SNRNP200: variants seen among roughly 807,000 people sequenced by gnomAD.
SNRNP200 encodes the protein small nuclear ribonucleoprotein U5 subunit 200.
SNRNP200 carries 66 observed loss-of-function variants against 255.2 expected under a neutral mutation model. The ratio of observed to expected loss-of-function variants is 0.26; its 90% CI spans 0.21 to 0.32. SNRNP200 has a LOEUF of 0.32. Among genes scored for constraint, SNRNP200 ranks in the 10% least tolerant of loss-of-function variants. SNRNP200 has a pLI of 1.00. For missense variants in SNRNP200, 1,585 were observed against 2,749.8 expected (o/e 0.58, Z 9.47); for synonymous variants, 939 against 1,027.8 (o/e 0.91, Z 1.65).
rs1558763301 is a variant in SNRNP200, at chr2:96,278,634, A to T, written c.5401T>A (p.Cys1801Ser). The T allele has an allele frequency of 1.9e-6, 3 of 1,614,214 alleles. No homozygotes were observed. The highest frequency in any genetic ancestry group is 2.5e-6 in the Non-Finnish European group (3 of 1,180,050). The change falls in exon 38 of 45, where the codon TGC (cysteine) becomes AGC (serine). Residue 1801 changes from cysteine to serine, a missense_variant. Physicochemically the swap from Cys to Ser is moderately radical, Grantham distance 112 (BLOSUM62 -1). Around this residue, in one of 9 missense-constraint regions of SNRNP200, gnomAD observed 279 missense variants for 551.2 expected, o/e 0.51. Transcript: ENST00000323853. This position sits in a 1 kb window ranked among gnomAD's most constrained non-coding sequence, Gnocchi z 6.9. ...QTLSDLEQSK[C>S]ISIEDEMDVA... ...TCCATCTCGTCCTCGATGCTGATGC[A>T]CTTGGACTGCTCCAGGTCACTCAGG...
In SNRNP200 at chr2:96,286,986, T is replaced by C. The variant is rs772436502; in HGVS notation, c.3639+20A>G. The C allele has an allele frequency of 3.1e-6, 5 of 1,614,152 alleles. No individual in the cohort carries two copies. The highest frequency in any genetic ancestry group is 4.2e-6 in the Non-Finnish European group (5 of 1,180,026). Reference sequence around the variant, plus strand: ...GACTGAGCACCTCCAATCCAGCACCTCTGCCCAGCAAAGCCTCACCTTTTC... The same window carrying C: ...GACTGAGCACCTCCAATCCAGCACCCCTGCCCAGCAAAGCCTCACCTTTTC... On this transcript the variant is annotated intron_variant, in intron 27 of 44. Coordinates refer to ENST00000323853, the MANE Select transcript of SNRNP200 (RefSeq NM_014014.5). This position sits in a 1 kb window ranked among gnomAD's most constrained non-coding sequence, Gnocchi z 4.8.
chr2:96,296,477 T>A, intron 13 of SNRNP200, 59 bp downstream of exon 13: 2 of 1,574,262 alleles, frequency 1.3e-6, no homozygotes, highest in South Asian at 1.1e-5. Flanking sequence ...TCCAGGCCTG[T>A]CCACAACACT....
Position 96,287,475 on chromosome 2 carries a change from A to C in SNRNP200, c.3448T>G (p.Phe1150Val). The change falls in exon 26 of 45, where the codon TTT becomes GTT. Residue 1150 changes from phenylalanine (F) to valine (V), a missense_variant. Transcript: ENST00000323853. The surrounding 1 kb of genome is among the most constrained non-coding windows in gnomAD (Gnocchi z 5.7). ...TGATTCAGGTCGTACAGACGCTCAA[A>C]GGGGAAATTCTTCTTCTCAATCTTC... ...VKKIEKKNFPFERLYDLNHNE... is the reference protein window; with the variant it reads ...VKKIEKKNFPVERLYDLNHNE... The C allele has an allele frequency of 6.2e-7, 1 of 1,614,036 alleles. No homozygotes were observed. The highest frequency in any genetic ancestry group is 8.5e-7 in the Non-Finnish European group (1 of 1,179,874).
intron 35 of SNRNP200, among the ~76,000 whole-genome samples, chr2:96,280,782 T>TCA (rs1684745869): frequency 1.3e-5 from 2 of 151,636 alleles, no homozygotes; most frequent in African/African-American, 4.8e-5. Context: ...ACTCCTGACC[T>TCA]TGTGATCCAC....
chr2:96,301,483 A>C, intron 4 of SNRNP200, 41 bp downstream of exon 4: 2 of 1,599,012 alleles, frequency 1.3e-6, no homozygotes, highest in East Asian at 2.2e-5. Context: ...GGGGTCAACA[A>C]CAACCAATGA....
In SNRNP200 at chr2:96,283,259, G is replaced by A. The variant is rs779622054; in HGVS notation, c.4857C>T (p.Tyr1619=). 9.9e-6 allele frequency: 16 copies of A among 1,613,998 alleles called. No individual in the cohort carries two copies. Among genetic ancestry groups the A allele is most frequent in the Non-Finnish European group, 2.5e-6 (3 of 1,180,042 alleles). The change falls in exon 34 of 45, where the codon TAC becomes TAT. Residue 1619 remains tyrosine (Y), a synonymous_variant. Transcript: ENST00000323853. This position sits in a 1 kb window ranked among gnomAD's most constrained non-coding sequence, Gnocchi z 4.7. ...LKETLLNGVG[Y]LHEGLSPMER... ...CCATGGGGCTGAGCCCCTCATGCAGGTAGCCCACCCCATTTAGCAGCGTTT... is the reference window on the plus strand; with the variant it reads ...CCATGGGGCTGAGCCCCTCATGCAGATAGCCCACCCCATTTAGCAGCGTTT...
rs1684766846 is a variant in SNRNP200, at chr2:96,281,891, A to G, written c.4947T>C (p.Ser1649=). Residue 1649 remains serine, a synonymous_variant, in exon 35 of 45, where the codon AGT becomes AGC. Coordinates refer to ENST00000323853, the MANE Select transcript of SNRNP200 (RefSeq NM_014014.5). ...GAIQVVVASR[S]LCWGMNVAAH... is the part of the protein sequence containing the mutation. ...CAGCCACGTTCATGCCCCAGCAGAG[A>G]CTCCGAGAAGCCACCACCACCTGGA... 6.2e-7 allele frequency: 1 copy of G among 1,614,026 alleles called. No individual in the cohort carries two copies. Among genetic ancestry groups the G allele is most frequent in the Non-Finnish European group, 8.5e-7 (1 of 1,179,992 alleles).
chr2:96,303,784 G>A (rs2063969470), intron 2 of SNRNP200, among the ~76,000 whole-genome samples: 1 of 151,908 alleles, frequency 6.6e-6, no homozygotes, highest in South Asian at 2.1e-4. Context: ...CAGCTACTCA[G>A]GAGGCTGAGG....
At position 96,296,587 on chromosome 2, in the gene SNRNP200, G is replaced by A. The variant is rs770437983; in HGVS notation, c.1620C>T (p.Tyr540=). The A allele has an allele frequency of 1.2e-6, 2 of 1,614,134 alleles. No homozygotes were observed. Among genetic ancestry groups the A allele is most frequent in the Middle Eastern group, 1.6e-4 (1 of 6,062 alleles). ...GCACCAAGGAGCGCATGGGGGCAAT[G>A]TAGATAATCTTGAAGTCATCCACAT... ...TINVDDFKII[Y]IAPMRSLVQE... is the part of the protein sequence containing the mutation. The change falls in exon 13 of 45, where the codon TAC becomes TAT. Residue 540 remains tyrosine (Y), a synonymous_variant. Transcript: ENST00000323853.
intron 43 of SNRNP200, chr2:96,276,482 G>A (rs1262732349): frequency 4.1e-6 from 1 of 245,138 alleles, no homozygotes; most frequent in Non-Finnish European, 8.3e-6. Context: ...TGTGCAGTGG[G>A]GCAATCTCGG....
chr2:96,277,745 C>A lies in SNRNP200; in HGVS notation c.5755-30G>T. The A allele has an allele frequency of 1.2e-6, 2 of 1,614,072 alleles. No individual in the cohort carries two copies. Among genetic ancestry groups the A allele is most frequent in the South Asian group, 2.2e-5 (2 of 91,074 alleles). ...ACAGGAAAAGGAGTATAAAAGTGGGCGGAGTTGGAGCTGAGATGTTTAGAG... is the reference window on the plus strand; with the variant it reads ...ACAGGAAAAGGAGTATAAAAGTGGGAGGAGTTGGAGCTGAGATGTTTAGAG... On this transcript the variant is annotated intron_variant, in intron 40 of 44. Coordinates refer to ENST00000323853, the MANE Select transcript of SNRNP200 (RefSeq NM_014014.5). The surrounding 1 kb of genome is among the most constrained non-coding windows in gnomAD (Gnocchi z 4.4).
At chr2:96,298,489 G>C in intron 8 of SNRNP200, 69 bp from the exon 9 acceptor site, 1 of 1,610,760 alleles carries the variant, frequency 6.2e-7, no homozygotes, top group Non-Finnish European at 8.5e-7. Context: ...CCTCAGGGTA[G>C]AAAGAAGAAA....
intron 34 of SNRNP200, chr2:96,282,964 A>G (rs2063813675): frequency 1.7e-6 from 1 of 599,530 alleles, no homozygotes; most frequent in Non-Finnish European, 3.0e-6. Flanking sequence ...AGGTTCTGAA[A>G]TAGCACAACC....
In SNRNP200 at chr2:96,293,008, G is replaced by C. The variant is rs771676278; in HGVS notation, c.2124C>G (p.Val708=). The change falls in exon 16 of 45, where the codon GTC becomes GTG. Residue 708 remains valine, a synonymous_variant. Coordinates refer to ENST00000323853, the MANE Select transcript of SNRNP200 (RefSeq NM_014014.5). ...CAGCATGTTCCATGATTTTTTCATAGACGATTTCATTCATGATCTGGAAAC... is the reference window on the plus strand; with the variant it reads ...CAGCATGTTCCATGATTTTTTCATACACGATTTCATTCATGATCTGGAAAC... ...IKRFQIMNEI[V]YEKIMEHAGK... 43 of 1,614,026 alleles carry C rather than the reference G, an allele frequency of 2.7e-5. No individual in the cohort carries two copies. The highest frequency in any genetic ancestry group is 3.5e-5 in the Non-Finnish European group (41 of 1,180,026).
intron 13 of SNRNP200, among the ~76,000 whole-genome samples, chr2:96,296,219 T>C (rs564041378): frequency 6.6e-6 from 1 of 152,306 alleles, no homozygotes; most frequent in South Asian, 2.1e-4. Context: ...ACTAGGTCTA[T>C]TATCATCCAC....
Position 96,290,274 on chromosome 2 carries a change from G to A in SNRNP200, c.2742+52C>T, listed in dbSNP as rs1271937932. 6.3e-7 allele frequency: 1 copy of A among 1,592,662 alleles called. No individual in the cohort carries two copies. Among genetic ancestry groups the A allele is most frequent in the African/African-American group, 1.3e-5 (1 of 74,454 alleles). On this transcript the variant is annotated intron_variant, in intron 20 of 44. Transcript: ENST00000323853. The surrounding 1 kb of genome is among the most constrained non-coding windows in gnomAD (Gnocchi z 4.5). ...CAATAGGGACCGACCCACTCCTGGTGCCTTGGTGTCTGCGGGGAAAGCATG... is the reference window on the plus strand; with the variant it reads ...CAATAGGGACCGACCCACTCCTGGTACCTTGGTGTCTGCGGGGAAAGCATG...
intron 43 of SNRNP200, chr2:96,276,518 T>G (rs1573986967): frequency 3.3e-6 from 1 of 301,512 alleles, no homozygotes; most frequent in Non-Finnish European, 6.6e-6. Flanking sequence ...GCCTCCTGGG[T>G]TCACACCATT....
Position 96,275,278 on chromosome 2 carries a change from C to G in SNRNP200, c.6246G>C (p.Leu2082=). 1.2e-6 allele frequency: 2 copies of G among 1,614,178 alleles called. No individual in the cohort carries two copies. Among genetic ancestry groups the G allele is most frequent in the Non-Finnish European group, 1.7e-6 (2 of 1,180,024 alleles). ...TCACCTTGGCCTTCTGCTGCAAGGT[C>G]AGCCTCTTGATGGAGATGAGGCTAT... ...KSNSLISIKR[L]TLQQKAKVKL... The change falls in exon 44 of 45, where the codon CTG becomes CTC. Residue 2082 remains leucine (L), a synonymous_variant. Transcript: ENST00000323853.
At position 96,293,023 on chromosome 2, in the gene SNRNP200, G is replaced by T; in HGVS notation, c.2109C>A (p.Ile703=). The T allele has an allele frequency of 1.2e-6, 2 of 1,614,104 alleles. No homozygotes were observed. The highest frequency in any genetic ancestry group is 1.7e-6 in the Non-Finnish European group (2 of 1,179,988). ...TEKKAIKRFQ[I]MNEIVYEKIM... ...TTTTTTCATAGACGATTTCATTCAT[G>T]ATCTGGAAACGCTTGATAGCTTTTT... Residue 703 remains isoleucine, a synonymous_variant, in exon 16 of 45, where the codon ATC becomes ATA. Coordinates refer to ENST00000323853, the MANE Select transcript of SNRNP200 (RefSeq NM_014014.5).
Sources: gnomAD v4.1 joint callset for allele counts (sites outside exome capture counted in the v4.1 genomes callset) on GRCh38, gnomAD v4.1.1 for gene constraint, gnomAD v4.1.1 regional missense constraint, Gnocchi (gnomAD v3.1) non-coding constraint, MANE v1.5 for transcripts, NCBI Gene and HGNC (gene_info 2026-07-23, HGNC 2026-07-21) for gene names.